BICC1: variants seen among roughly 807,000 people sequenced by gnomAD.
BICC1 encodes protein bicaudal C homolog 1.
A neutral mutation model predicts 111.0 loss-of-function variants in BICC1; 43 were observed. That is an observed-to-expected ratio of 0.39 (90% confidence interval 0.30 to 0.50). The LOEUF is 0.50. Among genes scored for constraint, BICC1 ranks in the 20% least tolerant of loss-of-function variants. The pLI is 0.88. For synonymous variants in BICC1, 467 were observed against 434.4 expected (o/e 1.07, Z -0.93); for missense variants, 1,091 against 1,203.2 (o/e 0.91, Z 1.38).
chr10:58,763,393 A>T (rs188047249), intron 3 of BICC1, among the ~76,000 whole-genome samples: 409 of 152,354 alleles, frequency 2.7e-3, no homozygotes, highest in Middle Eastern at 0.01. Flanking sequence ...CCAAGACAGC[A>T]TCCCAAAGAA....
chr10:58,632,275 A>G (rs1242247944), intron 2 of BICC1, among the ~76,000 whole-genome samples: 2 of 152,220 alleles, frequency 1.3e-5, no homozygotes, highest in East Asian at 3.8e-4. Context: ...TGCTTGTAAG[A>G]TGGTGTTAGC....
At chr10:58,746,153 T>C (rs1463600229) in intron 3 of BICC1, among the ~76,000 whole-genome samples, 1 of 152,116 alleles carries the variant, frequency 6.6e-6, no homozygotes, top group African/African-American at 2.4e-5. Flanking sequence ...AAAGCAGTTA[T>C]AACGATGTGG....
chr10:58,709,638 G>T (rs1422666936), intron 3 of BICC1, among the ~76,000 whole-genome samples: 1 of 152,176 alleles, frequency 6.6e-6, no homozygotes, highest in Non-Finnish European at 1.5e-5. Context: ...ATATCCCTAA[G>T]GTGTGTCATG....
intron 1 of BICC1, among the ~76,000 whole-genome samples, chr10:58,578,069 G>A (rs1296759697): frequency 6.6e-6 from 1 of 152,076 alleles, no homozygotes; most frequent in East Asian, 1.9e-4. Context: ...TTTAAATTTA[G>A]TTATAAGGCA....
chr10:58,589,694 T>C (rs1844542119), intron 1 of BICC1, among the ~76,000 whole-genome samples: 1 of 152,164 alleles, frequency 6.6e-6, no homozygotes, highest in Non-Finnish European at 1.5e-5. Flanking sequence ...CAGGCCAGTC[T>C]TGAACTCCTG....
chr10:58,657,419 T>C (rs1029127347), intron 2 of BICC1, among the ~76,000 whole-genome samples: 4 of 152,144 alleles, frequency 2.6e-5, no homozygotes, highest in African/African-American at 4.8e-5. Context: ...TAGTAGTTTT[T>C]GTGTATCTCA....
chr10:58,727,110 A>G (rs1452901809), intron 3 of BICC1, among the ~76,000 whole-genome samples: 1 of 152,200 alleles, frequency 6.6e-6, no homozygotes, highest in African/African-American at 2.4e-5. Flanking sequence ...TTAAAAAATG[A>G]TAGAATTTAG....
At chr10:58,569,281 T>C (rs1843868289) in intron 1 of BICC1, among the ~76,000 whole-genome samples, 1 of 152,178 alleles carries the variant, frequency 6.6e-6, no homozygotes, top group Non-Finnish European at 1.5e-5. Flanking sequence ...TTCTTCAATC[T>C]CAAACCTCTT....
chr10:58,803,528 T>A (rs1211989087), intron 15 of BICC1, among the ~76,000 whole-genome samples: 1 of 152,148 alleles, frequency 6.6e-6, no homozygotes, highest in Non-Finnish European at 1.5e-5. Context: ...ACTTAAAAAA[T>A]TTTCAGATGA....
chr10:58,734,423 A>G (rs191916811), intron 3 of BICC1, among the ~76,000 whole-genome samples: 173 of 152,360 alleles, frequency 1.1e-3, no homozygotes, highest in African/African-American at 4.0e-3. Flanking sequence ...TTTAAACAAA[A>G]TCGTTAACAT....
intron 3 of BICC1, among the ~76,000 whole-genome samples, chr10:58,707,977 G>A (rs1840441847): frequency 6.6e-6 from 1 of 150,502 alleles, no homozygotes; most frequent in African/African-American, 2.4e-5. Flanking sequence ...GATTACAGGT[G>A]TGAGCCACCG....
chr10:58,643,900 G>A (rs1371811831), intron 2 of BICC1, among the ~76,000 whole-genome samples: 1 of 152,160 alleles, frequency 6.6e-6, no homozygotes, highest in Non-Finnish European at 1.5e-5. Context: ...GTGTGTGTCT[G>A]GCAGAATATG....
chr10:58,621,956 G>GAACAGAACAGAACAACAGAACAGAAC (rs1322190352), intron 2 of BICC1, among the ~76,000 whole-genome samples: 1 of 51,156 alleles, frequency 2.0e-5, no homozygotes, highest in African/African-American at 8.9e-5. Flanking sequence ...GAATAGAATA[G>GAACAGAACAGAACAACAGAACAGAAC]AATAGAATAG....
rs966026313 is a variant in BICC1, at chr10:58,743,102, A to G, written c.307+40959A>G. Among the ~76,000 whole-genome samples the G allele has an allele frequency of 1.1e-4, 16 of 152,322 alleles. 1 individual carries two copies. The highest frequency in any genetic ancestry group is 9.8e-4 in the Admixed American group (15 of 15,298). On this transcript the variant is annotated intron_variant, in intron 3 of 20. Transcript: ENST00000373886. ...TTACTCCTTGTAGGATGATGGCTCA[A>G]AAGGCATTCGGGTGGTGGTGGTTGT...
chr10:58,792,856 C>G (rs1843225934), intron 8 of BICC1, among the ~76,000 whole-genome samples: 1 of 152,126 alleles, frequency 6.6e-6, no homozygotes, highest in Non-Finnish European at 1.5e-5. Context: ...TTCCCTCCCC[C>G]TCCCCTGGTC....
intron 3 of BICC1, among the ~76,000 whole-genome samples, chr10:58,770,538 A>T (rs181851476): frequency 3.8e-4 from 58 of 152,104 alleles, no homozygotes; most frequent in African/African-American, 1.3e-3. Context: ...TCCCTTGATC[A>T]TATATCTCTT....
intron 2 of BICC1, among the ~76,000 whole-genome samples, chr10:58,660,186 G>T (rs1838795302): frequency 6.6e-6 from 1 of 152,118 alleles, no homozygotes; most frequent in Non-Finnish European, 1.5e-5. Flanking sequence ...AATATTCCCA[G>T]ACAGCCCTTA....
chr10:58,618,471 G>A (rs912620491), intron 1 of BICC1, among the ~76,000 whole-genome samples: 1 of 152,182 alleles, frequency 6.6e-6, no homozygotes, highest in Non-Finnish European at 1.5e-5. Flanking sequence ...TATGGCTTGC[G>A]CCTGGGTTGG....
chr10:58,734,472 C>T (rs111482843), intron 3 of BICC1, among the ~76,000 whole-genome samples: 4 of 152,196 alleles, frequency 2.6e-5, no homozygotes, highest in African/African-American at 9.7e-5. Context: ...TACTTTGCCT[C>T]TGCTTACTGC....
Sources: gnomAD v4.1 joint callset for allele counts (sites outside exome capture counted in the v4.1 genomes callset) on GRCh38, gnomAD v4.1.1 for gene constraint, MANE v1.5 for transcripts, NCBI Gene and HGNC (gene_info 2026-07-23, HGNC 2026-07-21) for gene names.